Variants in ROBO2 observed in about 807,000 individuals in gnomAD.
ROBO2 encodes the protein roundabout guidance receptor 2.
ROBO2 carries 53 observed loss-of-function variants against 160.8 expected under a neutral mutation model. The observed-to-expected ratio is 0.33, with a 90% CI of 0.26 to 0.41. The LOEUF (loss-of-function observed/expected upper bound fraction) is 0.41, where lower values mean the gene tolerates loss of function less well. ROBO2 is among the 10% of genes least tolerant of loss of function. The pLI, the probability that ROBO2 is intolerant of heterozygous loss-of-function variation, is 1.00. For synonymous variants in ROBO2, 664 were observed against 611.7 expected, an observed-to-expected ratio of 1.09 and a Z score of -1.26; for missense variants, 1,577 against 1,722.4, an observed-to-expected ratio of 0.92 and a Z score of 1.49.
At chr3:76,784,857 C>A (rs1409118706) in intron 2 of ROBO2, among the ~76,000 whole-genome samples, 1 of 151,188 alleles carries the variant, frequency 6.6e-6, no homozygotes, top group African/African-American at 2.4e-5. Context: ...CTGGGTTGGG[C>A]AAGACAAACA....
chr3:77,622,062 G>A (rs758942140), intron 22 of ROBO2, among the ~76,000 whole-genome samples, 165 bp from the exon 24 acceptor site: 18 of 151,908 alleles, frequency 1.2e-4, no homozygotes, highest in Admixed American at 3.3e-4. Flanking sequence ...GGTGAGGCTC[G>A]TATTCGTAGC....
chr3:76,499,852 G>A (rs1253823166), intron 2 of ROBO2, among the ~76,000 whole-genome samples: 1 of 152,054 alleles, frequency 6.6e-6, no homozygotes, highest in Admixed American at 6.6e-5. Flanking sequence ...TACAGACTAT[G>A]AATTCTCCTT....
chr3:76,412,116 G>A (rs1259940761), intron 2 of ROBO2, among the ~76,000 whole-genome samples: 1 of 152,116 alleles, frequency 6.6e-6, no homozygotes, highest in Non-Finnish European at 1.5e-5. Flanking sequence ...AGAGAAAAAT[G>A]AGGAAGAAGC....
At chr3:77,164,087 G>T (rs1170130753) in intron 2 of ROBO2, among the ~76,000 whole-genome samples, 2 of 152,106 alleles carry the variant, frequency 1.3e-5, no homozygotes, top group East Asian at 3.9e-4. Flanking sequence ...TTGATACTCT[G>T]GTTGTGATAT....
chr3:76,158,935 A>G (rs1159569110), intron 2 of ROBO2, among the ~76,000 whole-genome samples: 1 of 152,200 alleles, frequency 6.6e-6, no homozygotes, highest in African/African-American at 2.4e-5. Context: ...AATAATTCTT[A>G]TGCACAGTGA....
intron 2 of ROBO2, among the ~76,000 whole-genome samples, chr3:76,186,061 G>C (rs1224788512): frequency 6.6e-6 from 1 of 151,038 alleles, no homozygotes; most frequent in Non-Finnish European, 1.5e-5. Context: ...GGCCTCCCAA[G>C]TAGATGGACT....
At chr3:76,798,150 GAA>G (rs1312423833) in intron 2 of ROBO2, among the ~76,000 whole-genome samples, 14 of 106,456 alleles carry the variant, frequency 1.3e-4, no homozygotes, top group African/African-American at 5.0e-4. Flanking sequence ...GAGAAAGAAA[GAA>G]AGAAAGAAAG....
chr3:75,937,841 T>TATATATATATA, intron 2 of ROBO2, among the ~76,000 whole-genome samples: 1 of 105,510 alleles, frequency 9.5e-6, no homozygotes, highest in East Asian at 2.9e-4. Context: ...GGAATTGATT[T>TATATATATATA]TATATATATA....
chr3:76,289,999 T>A (rs957442823), intron 2 of ROBO2, among the ~76,000 whole-genome samples: 6 of 152,166 alleles, frequency 3.9e-5, no homozygotes, highest in Non-Finnish European at 5.9e-5. Flanking sequence ...ATATGAGTTT[T>A]AGAATAGTTT....
Position 77,609,611 on chromosome 3 carries a change from C to A in ROBO2, c.3293+1657C>A, listed in dbSNP as rs139509617. ...ATTCCTGTAACCCCCTGCAATAAAA[C>A]CAATTAAATCAAAATCAATGCTAAA... On this transcript the variant is annotated intron_variant, in intron 21 of 25. Coordinates refer to ENST00000461745, the Ensembl canonical transcript of ROBO2. 3.1e-3 allele frequency among the ~76,000 whole-genome samples: 466 copies of A among 151,662 alleles called. 3 individuals carry two copies. The highest frequency in any genetic ancestry group is 0.01 in the African/African-American group (431 of 41,426).
At chr3:76,887,371 T>C (rs2148793419) in intron 2 of ROBO2, among the ~76,000 whole-genome samples, 1 of 152,082 alleles carries the variant, frequency 6.6e-6, no homozygotes, top group Admixed American at 6.5e-5. Flanking sequence ...TTCTAACTCC[T>C]AGTTAGTAAA....
chr3:77,380,423 T>G (rs2073285678), intron 2 of ROBO2, among the ~76,000 whole-genome samples: 1 of 152,080 alleles, frequency 6.6e-6, no homozygotes, highest in Non-Finnish European at 1.5e-5. Context: ...AGAAAAAAGT[T>G]AAAACACAGA....
At chr3:77,463,192 C>G (rs540516891) in intron 2 of ROBO2, among the ~76,000 whole-genome samples, 1 of 152,270 alleles carries the variant, frequency 6.6e-6, no homozygotes, top group African/African-American at 2.4e-5. Context: ...AGAAATAAAA[C>G]TCTTCTGTTA....
At chr3:77,276,941 T>C (rs2059868716) in intron 2 of ROBO2, among the ~76,000 whole-genome samples, 1 of 152,104 alleles carries the variant, frequency 6.6e-6, no homozygotes. Flanking sequence ...ACCAGAATAG[T>C]ATGGGGAAAA....
At chr3:77,519,110 C>T (rs2090328756) in intron 5 of ROBO2, among the ~76,000 whole-genome samples, 1 of 151,246 alleles carries the variant, frequency 6.6e-6, no homozygotes, top group African/African-American at 2.4e-5. Flanking sequence ...TTATTCTTCC[C>T]AAGTAATATT....
At chr3:76,463,121 C>T (rs2078174858) in intron 2 of ROBO2, among the ~76,000 whole-genome samples, 1 of 152,100 alleles carries the variant, frequency 6.6e-6, no homozygotes, top group South Asian at 2.1e-4. Flanking sequence ...CAAGGCTGCT[C>T]CCGCTGGGAA....
At chr3:76,257,869 A>T (rs1187495356) in intron 2 of ROBO2, among the ~76,000 whole-genome samples, 1 of 152,162 alleles carries the variant, frequency 6.6e-6, no homozygotes, top group Non-Finnish European at 1.5e-5. Context: ...GGTGGGGGAA[A>T]GATAGAACAA....
intron 2 of ROBO2, among the ~76,000 whole-genome samples, chr3:76,844,532 A>C (rs2068603805): frequency 6.6e-6 from 1 of 151,988 alleles, no homozygotes; most frequent in Admixed American, 6.6e-5. Context: ...AACATTGTGT[A>C]CTTGAGCCTC....
At chr3:77,235,301 C>G (rs1166604448) in intron 2 of ROBO2, among the ~76,000 whole-genome samples, 1 of 151,678 alleles carries the variant, frequency 6.6e-6, no homozygotes, top group African/African-American at 2.4e-5. Context: ...GCCTGACCTG[C>G]AAGATTTCAT....
Sources: allele counts gnomAD v4.1 joint callset (sites outside exome capture counted in the v4.1 genomes callset), GRCh38; gene constraint gnomAD v4.1.1; transcripts MANE v1.5; gene names NCBI Gene and HGNC (gene_info 2026-07-23, HGNC 2026-07-21).